Variants in SLC30A8 observed in about 807,000 individuals in gnomAD.
SLC30A8 encodes the protein proton-coupled zinc antiporter SLC30A8.
In SLC30A8, 27 loss-of-function variants were observed where a neutral mutation model predicts 36.9. The ratio of observed to expected loss-of-function variants is 0.73; its 90% CI spans 0.54 to 1.01. SLC30A8 has a LOEUF of 1.01. Ranked by LOEUF, SLC30A8 falls within the 50% of genes least tolerant of loss-of-function variation. The pLI is 0.00. For missense variants in SLC30A8, 439 were observed against 452.0 expected (o/e 0.97, Z 0.26); for synonymous variants, 164 against 172.4 (o/e 0.95, Z 0.38).
chr8:116,977,268 C>T (rs1815073415), intron 1 of SLC30A8, among the ~76,000 whole-genome samples: 1 of 147,734 alleles, frequency 6.8e-6, no homozygotes, highest in African/African-American at 2.5e-5. Flanking sequence ...CCTGCCTCAG[C>T]CACCCGAGTA....
At chr8:116,987,244 A>G (rs2130655073) in intron 1 of SLC30A8, among the ~76,000 whole-genome samples, 1 of 142,434 alleles carries the variant, frequency 7.0e-6, no homozygotes, top group East Asian at 2.2e-4. Flanking sequence ...TCTAGAGATA[A>G]CATGGACACA....
At chr8:116,981,649 T>G (rs368524877) in intron 1 of SLC30A8, among the ~76,000 whole-genome samples, 1 of 152,186 alleles carries the variant, frequency 6.6e-6, no homozygotes, top group East Asian at 1.9e-4. Context: ...CTCCCACTTG[T>G]GGGTGAGAAC....
intron 1 of SLC30A8, among the ~76,000 whole-genome samples, chr8:116,973,394 A>G (rs1425506145): frequency 6.6e-6 from 1 of 152,162 alleles, no homozygotes; most frequent in Non-Finnish European, 1.5e-5. Flanking sequence ...TACACCAATA[A>G]CAGACAAACA....
chr8:117,051,323 A>G (rs1817699582), intron 2 of SLC30A8, among the ~76,000 whole-genome samples: 1 of 152,238 alleles, frequency 6.6e-6, no homozygotes, highest in Non-Finnish European at 1.5e-5. Flanking sequence ...CAGAGATGCT[A>G]GAAACCCTTT....
At chr8:117,095,868 T>C (rs977444115) in intron 2 of SLC30A8, among the ~76,000 whole-genome samples, 2 of 152,162 alleles carry the variant, frequency 1.3e-5, no homozygotes, top group African/African-American at 4.8e-5. Flanking sequence ...ACAAACTGTA[T>C]TTAGTATTAT....
chr8:117,145,557 T>G (rs1188163342), intron 1 of SLC30A8, among the ~76,000 whole-genome samples: 1 of 152,162 alleles, frequency 6.6e-6, no homozygotes, highest in Non-Finnish European at 1.5e-5. Context: ...TGTTTGTTAT[T>G]ACCTTTCAGA....
chr8:117,082,273 C>T (rs1392883987), intron 2 of SLC30A8, among the ~76,000 whole-genome samples: 1 of 152,040 alleles, frequency 6.6e-6, no homozygotes, highest in Admixed American at 6.5e-5. Context: ...GCACAAGGCA[C>T]TGTCTAGATG....
Position 117,135,559 on chromosome 8 carries a change from T to G in SLC30A8, c.71+161T>G, listed in dbSNP as rs149963085. ...GACATGTATTTTATATTCTGAAAAA[T>G]GCAATACTTTATATAGTTGATTTGA... On this transcript the variant is annotated intron_variant, in intron 1 of 7. Coordinates refer to ENST00000456015, the MANE Select transcript of SLC30A8 (RefSeq NM_173851.3). Among the ~76,000 whole-genome samples, 485 of 152,104 alleles carry G rather than the reference T, an allele frequency of 3.2e-3. 3 individuals carry two copies. The highest frequency in any genetic ancestry group is 5.7e-3 in the Non-Finnish European group (386 of 67,918).
At chr8:117,040,572 T>C (rs1271053660) in intron 2 of SLC30A8, among the ~76,000 whole-genome samples, 1 of 152,244 alleles carries the variant, frequency 6.6e-6, no homozygotes, top group African/African-American at 2.4e-5. Context: ...GAATTTTTCC[T>C]TGTTCACCCA....
chr8:116,965,383 TAAG>T (rs1814567559), intron 1 of SLC30A8, among the ~76,000 whole-genome samples: 1 of 152,180 alleles, frequency 6.6e-6, no homozygotes, highest in Non-Finnish European at 1.5e-5. Context: ...TCAAACAAAA[TAAG>T]AGGGAAATGT....
chr8:117,088,699 TCAA>T (rs1282095741), intron 2 of SLC30A8, among the ~76,000 whole-genome samples: 1 of 152,212 alleles, frequency 6.6e-6, no homozygotes, highest in Non-Finnish European at 1.5e-5. Context: ...CGTAAAGCTT[TCAA>T]CACCTTTAGG....
At chr8:117,080,849 C>G (rs1489411835) in intron 2 of SLC30A8, among the ~76,000 whole-genome samples, 2 of 152,064 alleles carry the variant, frequency 1.3e-5, no homozygotes, top group Non-Finnish European at 2.9e-5. Context: ...TGGGTTTATA[C>G]TTAGTAGTGG....
chr8:116,959,520 A>G (rs1814343575), intron 1 of SLC30A8, among the ~76,000 whole-genome samples: 1 of 152,202 alleles, frequency 6.6e-6, no homozygotes, highest in Admixed American at 6.5e-5. Context: ...GACATTATAA[A>G]TTTCACATTC....
At chr8:117,130,615 G>A (rs1332153651), upstream of SLC30A8, among the ~76,000 whole-genome samples, 1 of 151,858 alleles carries the variant, frequency 6.6e-6, no homozygotes, top group African/African-American at 2.4e-5. Flanking sequence ...ATATTAGAAA[G>A]TATATTTTTG....
chr8:116,984,398 G>T (rs1470640262), intron 1 of SLC30A8, among the ~76,000 whole-genome samples: 1 of 152,092 alleles, frequency 6.6e-6, no homozygotes, highest in Non-Finnish European at 1.5e-5. Context: ...CTGTTTTCAG[G>T]ATGGCAGTGT....
chr8:117,065,892 A>C (rs929468219), intron 2 of SLC30A8, among the ~76,000 whole-genome samples: 1 of 152,170 alleles, frequency 6.6e-6, no homozygotes, highest in East Asian at 1.9e-4. Context: ...GGTGCCTTCC[A>C]TTATGTGACT....
At chr8:117,161,915 A>C in intron 5 of SLC30A8, 27 bp downstream of exon 5, 2 of 1,599,582 alleles carry the variant, frequency 1.3e-6, no homozygotes, top group Non-Finnish European at 1.7e-6. Context: ...CCACCATCCT[A>C]GTACTTATGT....
chr8:117,011,306 T>G (rs1303291293), intron 1 of SLC30A8, among the ~76,000 whole-genome samples: 1 of 152,228 alleles, frequency 6.6e-6, no homozygotes, highest in Non-Finnish European at 1.5e-5. Flanking sequence ...ATGTCACTTG[T>G]AATCAGGAGT....
At chr8:116,989,661 G>A (rs1815564872) in intron 1 of SLC30A8, among the ~76,000 whole-genome samples, 1 of 152,156 alleles carries the variant, frequency 6.6e-6, no homozygotes, top group Non-Finnish European at 1.5e-5. Flanking sequence ...GATGGTGAAT[G>A]TGGATATATC....
Sources: allele counts gnomAD v4.1 joint callset (sites outside exome capture counted in the v4.1 genomes callset), GRCh38; gene constraint gnomAD v4.1.1; transcripts MANE v1.5; gene names NCBI Gene and HGNC (gene_info 2026-07-23, HGNC 2026-07-21).